GLG1: variants seen among roughly 807,000 people sequenced by gnomAD.
GLG1 encodes the protein golgi glycoprotein 1, also known as Golgi apparatus protein 1.
In GLG1, 38 loss-of-function variants were observed where a neutral mutation model predicts 160.5. The observed-to-expected ratio is 0.24, with a 90% CI of 0.18 to 0.31. The LOEUF is 0.31. Ranked by LOEUF, GLG1 falls within the 10% of genes least tolerant of loss-of-function variation. The pLI is 1.00. For synonymous variants in GLG1, 644 were observed against 543.4 expected (o/e 1.19, Z -2.57); for missense variants, 1,373 against 1,505.2 (o/e 0.91, Z 1.45).
At chr16:74,471,378 T>G (rs1257771240) in intron 14 of GLG1, 92 bp from the exon 15 acceptor site, 3 of 739,242 alleles carry the variant, frequency 4.1e-6, no homozygotes, top group Non-Finnish European at 7.3e-6. Flanking sequence ...GCAAGGTTAG[T>G]TCTAGAAGCC....
At chr16:74,587,167 A>G (rs1958073448) in intron 1 of GLG1, among the ~76,000 whole-genome samples, 1 of 152,210 alleles carries the variant, frequency 6.6e-6, no homozygotes, top group Non-Finnish European at 1.5e-5. Context: ...CGTAACCTTC[A>G]GTCACTGGAC....
chr16:74,464,350 C>T (rs1289726530), intron 19 of GLG1, among the ~76,000 whole-genome samples: 1 of 152,168 alleles, frequency 6.6e-6, no homozygotes, highest in Admixed American at 6.5e-5. Flanking sequence ...TAAGGACCCA[C>T]TTGGTTCATC....
At chr16:74,510,047 T>C (rs554364935) in intron 2 of GLG1, among the ~76,000 whole-genome samples, 2,795 of 146,794 alleles carry the variant, frequency 0.019, 40 homozygotes, top group South Asian at 0.032. Flanking sequence ...TTTTTTTTTT[T>C]TGAGACAGAG....
chr16:74,590,524 G>C (rs1277941055), intron 1 of GLG1, among the ~76,000 whole-genome samples: 3 of 150,930 alleles, frequency 2.0e-5, no homozygotes, highest in Non-Finnish European at 4.4e-5. Context: ...AGAAGGCTGA[G>C]GCAGGAGAAT....
chr16:74,549,522 G>A (rs991453378), intron 1 of GLG1, among the ~76,000 whole-genome samples: 5 of 152,140 alleles, frequency 3.3e-5, no homozygotes, highest in Non-Finnish European at 5.9e-5. Context: ...TCCTGACCTC[G>A]TGATCCGCCC....
intron 1 of GLG1, among the ~76,000 whole-genome samples, chr16:74,541,966 G>A (rs2017880862): frequency 2.0e-5 from 3 of 146,916 alleles, no homozygotes; most frequent in African/African-American, 7.5e-5. Flanking sequence ...GGAAAGCAGG[G>A]GAGTTTAATG....
intron 3 of GLG1, among the ~76,000 whole-genome samples, chr16:74,505,545 C>G (rs2016565944): frequency 6.6e-6 from 1 of 151,988 alleles, no homozygotes; most frequent in Non-Finnish European, 1.5e-5. Flanking sequence ...CATGGCGAAA[C>G]CCCATCTCTA....
chr16:74,543,564 C>G (rs2017963616), intron 1 of GLG1, among the ~76,000 whole-genome samples: 1 of 151,956 alleles, frequency 6.6e-6, no homozygotes. Context: ...TCAAAAAGTC[C>G]CTACATTTCT....
chr16:74,581,077 GT>G (rs1957927880), intron 1 of GLG1, among the ~76,000 whole-genome samples: 1 of 152,198 alleles, frequency 6.6e-6, no homozygotes, highest in Non-Finnish European at 1.5e-5. Context: ...GTGAAAAACA[GT>G]ATGCCCTAAC....
At chr16:74,594,862 G>A (rs944320452) in intron 1 of GLG1, among the ~76,000 whole-genome samples, 1 of 152,106 alleles carries the variant, frequency 6.6e-6, no homozygotes, top group African/African-American at 2.4e-5. Context: ...ATTAAGTTCT[G>A]CCAAATTTGG....
chr16:74,546,572 C>G (rs1191225328), intron 1 of GLG1, among the ~76,000 whole-genome samples: 3 of 151,458 alleles, frequency 2.0e-5, no homozygotes, highest in African/African-American at 7.3e-5. Flanking sequence ...CGTGGTGGCT[C>G]ACACCTGTAA....
intron 1 of GLG1, among the ~76,000 whole-genome samples, chr16:74,590,463 C>G (rs1430878197): frequency 1.3e-5 from 2 of 149,038 alleles, no homozygotes; most frequent in Non-Finnish European, 3.0e-5. Flanking sequence ...ACTAAAAATA[C>G]AAAAAAAAAT....
chr16:74,540,373 C>A (rs1233132703), intron 1 of GLG1, among the ~76,000 whole-genome samples: 3 of 150,234 alleles, frequency 2.0e-5, no homozygotes, highest in African/African-American at 4.9e-5. Flanking sequence ...AATGTAAATT[C>A]TTTCCTTATA....
At chr16:74,562,593 G>A (rs2018540045) in intron 1 of GLG1, among the ~76,000 whole-genome samples, 1 of 152,284 alleles carries the variant, frequency 6.6e-6, no homozygotes, top group South Asian at 2.1e-4. Flanking sequence ...CCAAGCAGCT[G>A]GGATTACAGG....
Position 74,462,334 on chromosome 16 carries a change from C to T in GLG1, c.2935-139G>A, listed in dbSNP as rs1026708283. 8.5e-6 allele frequency: 7 copies of T among 818,848 alleles called. No individual in the cohort carries two copies. The African/African-American group carries it at 1.2e-4, about 14-fold the overall frequency. The allele number at this position is 818,848 out of a possible 1,614,324, so 50.7% of individuals were successfully genotyped here. ...AAAAAGAACAAGAAAAAACAAAATG[C>T]CTGCTTTTGATCTGGCCCCTTAGCC... On this transcript the variant is annotated intron_variant, in intron 21 of 25. Coordinates refer to ENST00000422840, the MANE Select transcript of GLG1 (RefSeq NM_001145667.2).
intron 8 of GLG1, among the ~76,000 whole-genome samples, chr16:74,490,311 A>C (rs1179532526): frequency 2.0e-5 from 3 of 152,056 alleles, no homozygotes; most frequent in African/African-American, 7.3e-5. Flanking sequence ...CTCCCCAAGC[A>C]AAGTATGCTA....
chr16:74,564,593 T>C (rs2018598606), intron 1 of GLG1, among the ~76,000 whole-genome samples: 1 of 152,186 alleles, frequency 6.6e-6, no homozygotes, highest in Non-Finnish European at 1.5e-5. Flanking sequence ...GTGCTAGGAC[T>C]GGAAACCCAA....
At chr16:74,461,057 T>C (rs1027768468) in intron 22 of GLG1, among the ~76,000 whole-genome samples, 4 of 152,252 alleles carry the variant, frequency 2.6e-5, no homozygotes, top group Admixed American at 1.3e-4. Context: ...GCTTTTGTTA[T>C]GAGCTCCTGA....
rs201110659 is a variant in GLG1, at chr16:74,477,365, T to A, written c.1965+31A>T. ...TGTTAAACATTAACATCATCATTAT[T>A]GTAAGACAAACAGAAAGCGATGTCA... On this transcript the variant is annotated intron_variant, in intron 12 of 25. Coordinates refer to ENST00000422840, the MANE Select transcript of GLG1 (RefSeq NM_001145667.2). The A allele has an allele frequency of 1.9e-6, 3 of 1,546,406 alleles. No individual in the cohort carries two copies. The Admixed American group carries it at 5.0e-5, about 26-fold the overall frequency.
Sources: allele counts gnomAD v4.1 joint callset (sites outside exome capture counted in the v4.1 genomes callset), GRCh38; gene constraint gnomAD v4.1.1; transcripts MANE v1.5; gene names NCBI Gene and HGNC (gene_info 2026-07-23, HGNC 2026-07-21).